Variants in SNX29 observed in about 807,000 individuals in gnomAD.
The protein encoded by SNX29 is sorting nexin-29.
A neutral mutation model predicts 102.1 loss-of-function variants in SNX29; 78 were observed. The ratio of observed to expected loss-of-function variants is 0.76; its 90% CI spans 0.64 to 0.92. The LOEUF is 0.92. Ranked by LOEUF, SNX29 falls within the 40% of genes least tolerant of loss-of-function variation. The pLI is 0.00. For synonymous variants in SNX29, 580 were observed against 414.5 expected, an observed-to-expected ratio of 1.40 and a Z score of -4.85; for missense variants, 1,280 against 1,061.7, an observed-to-expected ratio of 1.21 and a Z score of -2.86.
intron 14 of SNX29, among the ~76,000 whole-genome samples, chr16:12,220,663 C>T (rs2077452881): frequency 6.6e-6 from 1 of 152,152 alleles, no homozygotes; most frequent in Admixed American, 6.5e-5. Flanking sequence ...TTTTAGGCAC[C>T]TAAAATATTT....
chr16:12,133,861 G>T (rs1312871853), intron 13 of SNX29, among the ~76,000 whole-genome samples: 1 of 152,198 alleles, frequency 6.6e-6, no homozygotes, highest in South Asian at 2.1e-4. Context: ...GTATGCGCTT[G>T]TGTATATGTG....
chr16:12,166,854 G>T (rs569751103), intron 13 of SNX29, among the ~76,000 whole-genome samples: 170 of 152,312 alleles, frequency 1.1e-3, no homozygotes, highest in Admixed American at 2.0e-3. Context: ...TTTAATAACT[G>T]TTGGTTTGTT....
intron 2 of SNX29, 129 bp from the exon 3 acceptor site, chr16:12,002,862 C>CT (rs2056336626): frequency 2.1e-6 from 2 of 974,084 alleles, no homozygotes; most frequent in Admixed American, 4.4e-5. Flanking sequence ...CAGGGACGTC[C>CT]TCACTTGGCA....
At chr16:12,429,607 TG>T (rs1411849880) in intron 18 of SNX29, among the ~76,000 whole-genome samples, 2 of 152,336 alleles carry the variant, frequency 1.3e-5, no homozygotes, top group African/African-American at 2.4e-5. Flanking sequence ...ATTTTTCTCA[TG>T]TTACTCTACA....
intron 15 of SNX29, among the ~76,000 whole-genome samples, chr16:12,284,030 C>G (rs997660656): frequency 6.6e-6 from 1 of 152,240 alleles, no homozygotes; most frequent in East Asian, 1.9e-4. Flanking sequence ...CAAGATTGAT[C>G]TCTTCTGAGA....
In SNX29 at chr16:12,572,545, C is replaced by T. The variant is rs1161309380; in HGVS notation, c.*3916C>T. The T allele has an allele frequency of 1.9e-6, 2 of 1,063,530 alleles. No individual in the cohort carries two copies. The highest frequency in any genetic ancestry group is 1.1e-6 in the Non-Finnish European group (1 of 878,132). The allele number at this position is 1,063,530 out of a possible 1,614,324, so 65.9% of individuals were successfully genotyped here. ...CAAGCCCCCACAGGGGGCTGCGACA[C>T]CATCTGGCTCCTCACAGGGAGGTCC... On this transcript the variant is annotated 3_prime_UTR_variant, in exon 21 of 21. Coordinates refer to ENST00000566228, the MANE Select transcript of SNX29 (RefSeq NM_032167.5).
In SNX29 at chr16:12,435,188, CTCCTCCCGTT is replaced by C. The variant is rs2085482575; in HGVS notation, c.2037+31663_2037+31672del. Reference sequence around the variant, plus strand: ...TGCCTCTCCGTCTTTCTTCCTCTGTCTCCTCCCGTTTCCCTCTATTCCTCCCATCCCAAGA... The same window carrying C: ...TGCCTCTCCGTCTTTCTTCCTCTGTCTCCCTCTATTCCTCCCATCCCAAGA... On this transcript the variant is annotated intron_variant, in intron 18 of 20. Coordinates refer to ENST00000566228, the MANE Select transcript of SNX29 (RefSeq NM_032167.5). Among the ~76,000 whole-genome samples the C allele has an allele frequency of 3.9e-5, 6 of 152,308 alleles. No individual in the cohort carries two copies. The South Asian group carries it at 1.2e-3, about 32-fold the overall frequency.
intron 19 of SNX29, among the ~76,000 whole-genome samples, chr16:12,489,655 T>A (rs958795603): frequency 2.0e-5 from 3 of 152,208 alleles, no homozygotes; most frequent in African/African-American, 4.8e-5. Context: ...AACGCCAGCA[T>A]AAAAACCAGG....
chr16:12,146,341 C>G (rs796418554), intron 13 of SNX29, among the ~76,000 whole-genome samples: 7 of 152,192 alleles, frequency 4.6e-5, no homozygotes, highest in African/African-American at 1.7e-4. Context: ...TCTCAGCTCA[C>G]TGCAACCCCC....
At chr16:12,031,616 C>G (rs1205835729) in intron 4 of SNX29, among the ~76,000 whole-genome samples, 1 of 151,678 alleles carries the variant, frequency 6.6e-6, no homozygotes, top group Non-Finnish European at 1.5e-5. Flanking sequence ...ACCATCCTAG[C>G]TAACACGGTG....
chr16:11,990,373 T>G (rs372072169), intron 1 of SNX29, among the ~76,000 whole-genome samples: 30 of 152,292 alleles, frequency 2.0e-4, no homozygotes, highest in African/African-American at 7.2e-4. Context: ...GAGGGGCACC[T>G]GCTCTGTTCT....
chr16:12,367,614 G>T (rs1441720391), intron 16 of SNX29: 2 of 152,206 alleles, frequency 1.3e-5, no homozygotes, highest in Non-Finnish European at 2.9e-5. Context: ...CGGAGGGAGT[G>T]ATCTCATTTG....
intron 20 of SNX29, among the ~76,000 whole-genome samples, chr16:12,544,251 C>A (rs962760643): frequency 2.0e-5 from 3 of 151,034 alleles, no homozygotes; most frequent in Admixed American, 1.3e-4. Context: ...AACTAACTTA[C>A]CCAGATTGCA....
At chr16:12,013,500 A>AAAAAAATATATATATATAT in intron 3 of SNX29, among the ~76,000 whole-genome samples, 6 of 31,612 alleles carry the variant, frequency 1.9e-4, no homozygotes, top group Non-Finnish European at 3.7e-4. Context: ...AAAAAAAAAA[A>AAAAAAATATATATATATAT]ATATATATAT....
intron 20 of SNX29, among the ~76,000 whole-genome samples, chr16:12,538,219 C>G (rs919751595): frequency 6.6e-6 from 1 of 152,052 alleles, no homozygotes; most frequent in Admixed American, 6.6e-5. Context: ...GGGTTCATGC[C>G]ATTCTTGTGC....
At chr16:12,289,064 C>A (rs2151054453) in intron 15 of SNX29, among the ~76,000 whole-genome samples, 1 of 152,306 alleles carries the variant, frequency 6.6e-6, no homozygotes, top group South Asian at 2.1e-4. Flanking sequence ...TTGTCAAGAA[C>A]TAGAACGATG....
At chr16:12,558,892 C>A (rs12162086) in intron 20 of SNX29, among the ~76,000 whole-genome samples, 29,955 of 152,212 alleles carry the variant, frequency 0.2, 3,129 homozygotes, top group East Asian at 0.43. Context: ...CCTGAGTTTG[C>A]TTCAGGGCCT....
At chr16:12,125,219 G>A (rs1261432945) in intron 11 of SNX29, among the ~76,000 whole-genome samples, 2 of 152,148 alleles carry the variant, frequency 1.3e-5, no homozygotes, top group African/African-American at 2.4e-5. Flanking sequence ...GTTCAAGCCC[G>A]TTGAAAGAAC....
chr16:12,226,871 C>G (rs1769910959), intron 14 of SNX29, among the ~76,000 whole-genome samples: 1 of 152,206 alleles, frequency 6.6e-6, no homozygotes, highest in African/African-American at 2.4e-5. Flanking sequence ...AGCCACCACG[C>G]CCCACTGAGC....
Sources: allele counts gnomAD v4.1 joint callset (sites outside exome capture counted in the v4.1 genomes callset), GRCh38; gene constraint gnomAD v4.1.1; transcripts MANE v1.5; gene names NCBI Gene and HGNC (gene_info 2026-07-23, HGNC 2026-07-21).